ZNF121: variants seen among roughly 807,000 people sequenced by gnomAD.
ZNF121 encodes the protein zinc finger protein 121 (clone ZHC32).
In ZNF121, 1 loss-of-function variant was observed where a neutral mutation model predicts 2.4. That is an observed-to-expected ratio of 0.41 (90% CI 0.15 to 1.94). The LOEUF is 1.94. ZNF121 is among the 30% of genes most tolerant of loss of function. ZNF121 has a pLI of 0.30. For missense variants in ZNF121, 369 were observed against 466.3 expected (o/e 0.79, Z 1.92); for synonymous variants, 173 against 158.6 (o/e 1.09, Z -0.68).
intron 1 of ZNF121, among the ~76,000 whole-genome samples, chr19:9,577,280 C>A (rs1301244128): frequency 6.6e-6 from 1 of 151,494 alleles, no homozygotes; most frequent in Non-Finnish European, 1.5e-5. Flanking sequence ...CCTGTCTCTA[C>A]TAAAAAAAAA....
Position 9,561,855 on chromosome 19 carries a change from C to T in ZNF121, c.*4085G>A. 6.6e-6 allele frequency: 1 copy of T among 150,444 alleles called. No individual in the cohort carries two copies. The highest frequency in any genetic ancestry group is 2.0e-4 in the East Asian group (1 of 5,116). 9.3% of individuals were successfully genotyped at this position (150,444 alleles called of 1,614,324 possible). A position where few individuals can be genotyped will look rare whatever the true frequency, so the allele number is the denominator to read the frequency against. On this transcript the variant is annotated 3_prime_UTR_variant, in exon 4 of 4. Transcript: ENST00000320451. ...GGCATGATCATGCCACCGCACTCCA[C>T]ACCCTAGGCAACAGAGCAAGACCCC... is the stretch of plus-strand genomic sequence containing the variant.
chr19:9,566,738 A>G lies in ZNF121; in HGVS notation c.375T>C (p.Phe125=). 6.2e-7 allele frequency: 1 copy of G among 1,614,212 alleles called. No individual in the cohort carries two copies. Among genetic ancestry groups the G allele is most frequent in the Non-Finnish European group, 8.5e-7 (1 of 1,180,038 alleles). ...ACACAGCATGGCTTGTGGAGTAAGT[A>G]AAAGCTCTCCCACATTGCTTCTGTT... ...LYEQKQCGRA[F]TYSTSHAVSV... is the part of the protein sequence containing the mutation. Residue 125 remains phenylalanine (F), a synonymous_variant, in exon 4 of 4, where the codon TTT becomes TTC. Transcript: ENST00000320451.
chr19:9,582,223 G>A lies in ZNF121; in HGVS notation c.-160+2238C>T, dbSNP rs542955883. Among the ~76,000 whole-genome samples the A allele has an allele frequency of 3.3e-4, 50 of 152,298 alleles. No homozygotes were observed. The Middle Eastern group carries it at 0.017, about 52-fold the overall frequency. On this transcript the variant is annotated intron_variant, in intron 1 of 3. Transcript: ENST00000320451. Reference sequence around the variant, plus strand: ...CTAGGTGTCAGGCCTCTGAGCCGAAGCCAAGCCATCAGACTCCCTGTGACC... The same window carrying A: ...CTAGGTGTCAGGCCTCTGAGCCGAAACCAAGCCATCAGACTCCCTGTGACC...
chr19:9,566,958 T>C lies in ZNF121; in HGVS notation c.155A>G (p.His52Arg). ...TGTCTCTCCAGCAGGGGCACTGTTG[T>C]GTAACATGGGAAAGTTTTCTCCATA... ...DEYGENFPML[H>R]NSAPAGETLS... Residue 52 changes from histidine (H) to arginine (R), a missense_variant, in exon 4 of 4, where the codon CAC becomes CGC. Physicochemically the swap from His to Arg is conservative, Grantham distance 29. Around this residue, in one of 4 missense-constraint regions of ZNF121, gnomAD observed 168 missense variants for 162.3 expected, o/e 1.03. Transcript: ENST00000320451. 6.2e-7 allele frequency: 1 copy of C among 1,614,220 alleles called. No homozygotes were observed. Among genetic ancestry groups the C allele is most frequent in the Admixed American group, 1.7e-5 (1 of 60,026 alleles).
At position 9,577,445 on chromosome 19, in the gene ZNF121, G is replaced by A. The variant is rs144016340; in HGVS notation, c.-160+7016C>T. ...AGCCTGGGCAACAGAGCAAGACTCC[G>A]TCTCAAAAAAGAAAAATAAAGAAAA... On this transcript the variant is annotated intron_variant, in intron 1 of 3. Coordinates refer to ENST00000320451, the MANE Select transcript of ZNF121 (RefSeq NM_001008727.5). 1.9e-3 allele frequency among the ~76,000 whole-genome samples: 287 copies of A among 150,978 alleles called. 1 individual carries two copies. The highest frequency in any genetic ancestry group is 6.6e-3 in the African/African-American group (270 of 41,088).
chr19:9,577,322 C>T (rs973060912), intron 1 of ZNF121, among the ~76,000 whole-genome samples: 20 of 151,920 alleles, frequency 1.3e-4, no homozygotes, highest in African/African-American at 2.2e-4. Context: ...GAGGCATGTG[C>T]GCCTGTAGTC....
chr19:9,574,929 G>GAA (rs71188829), intron 1 of ZNF121, among the ~76,000 whole-genome samples: 2 of 148,042 alleles, frequency 1.4e-5, no homozygotes, highest in African/African-American at 2.5e-5. Context: ...TCATTAGATG[G>GAA]AAAAAAAAAA....
intron 1 of ZNF121, among the ~76,000 whole-genome samples, chr19:9,580,044 G>A (rs1442618075): frequency 1.3e-5 from 2 of 152,126 alleles, no homozygotes; most frequent in African/African-American, 2.4e-5. Flanking sequence ...TGTTATCCCA[G>A]CACTTTGGGA....
In ZNF121 at chr19:9,563,358, GA is replaced by G. The variant is rs1266708605; in HGVS notation, c.*2581del. ...AGAAGAAATGCTGGAAGCTGGCAAA[GA>G]TCAGTTCGTGAGGTTTAACAAGTCA... On this transcript the variant is annotated 3_prime_UTR_variant, in exon 4 of 4. Coordinates refer to ENST00000320451, the MANE Select transcript of ZNF121 (RefSeq NM_001008727.5). 6.6e-6 allele frequency: 1 copy of G among 152,218 alleles called. No homozygotes were observed. The highest frequency in any genetic ancestry group is 1.5e-5 in the Non-Finnish European group (1 of 68,040). 9.4% of individuals were successfully genotyped at this position (152,218 alleles called of 1,614,324 possible). A position where few individuals can be genotyped will look rare whatever the true frequency, so the allele number is the denominator to read the frequency against.
rs77995528 is a variant in ZNF121, at chr19:9,573,979, T to C, written c.-159-4897A>G. Among the ~76,000 whole-genome samples the C allele has an allele frequency of 5.5e-3, 839 of 151,870 alleles. 7 individuals carry two copies. Among genetic ancestry groups the C allele is most frequent in the South Asian group, 0.021 (102 of 4,810 alleles). On this transcript the variant is annotated intron_variant, in intron 1 of 3. Transcript: ENST00000320451. ...CTCTCACATCAGCCTCCCAAGTAAC[T>C]GTTACTACAAATGTGCACCACAATG... is the stretch of plus-strand genomic sequence containing the variant.
Position 9,566,466 on chromosome 19 carries a change from G to GT in ZNF121, c.646dup (p.Thr216AsnfsTer2). On this transcript the variant is annotated frameshift_variant, in exon 4 of 4. Coordinates refer to ENST00000320451, the MANE Select transcript of ZNF121 (RefSeq NM_001008727.5). LOFTEE classifies it low-confidence loss of function (END_TRUNC). ...TCCAGTGTGTATTCGTACATGTTTA[G>GT]TAAGGCCTGAGCGCCCAGCGAAGGC... 1.2e-6 allele frequency: 2 copies of GT among 1,613,876 alleles called. No homozygotes were observed. The highest frequency in any genetic ancestry group is 1.7e-6 in the Non-Finnish European group (2 of 1,179,946).
rs2074135347 is a variant in ZNF121 at position 9,566,747 on chromosome 19, C to T, written c.366G>A (p.Gly122=). ...GGCTTGTGGAGTAAGTAAAAGCTCTCCCACATTGCTTCTGTTCATAGAGTG... is the reference window on the plus strand; with the variant it reads ...GGCTTGTGGAGTAAGTAAAAGCTCTTCCACATTGCTTCTGTTCATAGAGTG... The part of the protein sequence containing the change: ...GETLYEQKQC[G]RAFTYSTSHA... The change falls in exon 4 of 4, where the codon GGG becomes GGA. Residue 122 remains glycine (G), a synonymous_variant. Coordinates refer to ENST00000320451, the MANE Select transcript of ZNF121 (RefSeq NM_001008727.5). 1 of 1,614,056 alleles carries T rather than the reference C, an allele frequency of 6.2e-7. No homozygotes were observed. The highest frequency in any genetic ancestry group is 1.3e-5 in the African/African-American group (1 of 74,932).
intron 1 of ZNF121, among the ~76,000 whole-genome samples, chr19:9,570,877 AGCCGAGT>A (rs1215285317): frequency 2.0e-5 from 3 of 152,166 alleles, no homozygotes; most frequent in Non-Finnish European, 4.4e-5. Context: ...CACCGCACCC[AGCCGAGT>A]TCCCTGCTTT....
chr19:9,573,278 A>G (rs561406495), intron 1 of ZNF121, among the ~76,000 whole-genome samples: 1 of 152,316 alleles, frequency 6.6e-6, no homozygotes, highest in East Asian at 1.9e-4. Context: ...AATAACACAG[A>G]AGAGCAACTC....
chr19:9,576,092 C>A (rs2074208188), intron 1 of ZNF121, among the ~76,000 whole-genome samples: 2 of 152,110 alleles, frequency 1.3e-5, no homozygotes, highest in Admixed American at 1.3e-4. Flanking sequence ...CCAGAACAGG[C>A]CATATCTTAG....
chr19:9,566,122 T>C lies in ZNF121; in HGVS notation c.991A>G (p.Ile331Val), dbSNP rs768833391. 3.1e-5 allele frequency: 50 copies of C among 1,614,024 alleles called. No individual in the cohort carries two copies. Among genetic ancestry groups the C allele is most frequent in the African/African-American group, 4.0e-5 (3 of 75,032 alleles). The stretch of plus-strand genomic sequence containing the variant: ...GGTTTCTCTCCAGTGTGAGTTCTTA[T>C]ATGTTCAATGAGTTGTGAAGATGTA... Reference protein sequence around the residue: ...FATSSQLIEHIRTHTGEKPYI... With the variant: ...FATSSQLIEHVRTHTGEKPYI... The change falls in exon 4 of 4, where the codon ATA becomes GTA. Residue 331 changes from isoleucine to valine, a missense_variant. Around this residue, in one of 4 missense-constraint regions of ZNF121, gnomAD observed 127 missense variants for 169.9 expected, o/e 0.75. Coordinates refer to ENST00000320451, the MANE Select transcript of ZNF121 (RefSeq NM_001008727.5).
chr19:9,583,286 G>C (rs1025466856), intron 1 of ZNF121, among the ~76,000 whole-genome samples: 15 of 151,334 alleles, frequency 9.9e-5, no homozygotes, highest in African/African-American at 3.7e-4. Context: ...GGGGGGTACA[G>C]ACCTAGGAAC....
intron 1 of ZNF121, among the ~76,000 whole-genome samples, chr19:9,576,240 T>C (rs1481574272): frequency 6.6e-6 from 1 of 151,434 alleles, no homozygotes; most frequent in Admixed American, 6.6e-5. Flanking sequence ...ATGCCTATAA[T>C]CCCGGCACTT....
chr19:9,583,780 C>T (rs1226629174), intron 1 of ZNF121, among the ~76,000 whole-genome samples: 2 of 152,170 alleles, frequency 1.3e-5, no homozygotes, highest in Non-Finnish European at 2.9e-5. Context: ...GCTGGGACTA[C>T]AGGCGTGAGC....
Sources: gnomAD v4.1 joint callset for allele counts (sites outside exome capture counted in the v4.1 genomes callset) on GRCh38, gnomAD v4.1.1 for gene constraint, gnomAD v4.1.1 regional missense constraint, MANE v1.5 for transcripts, NCBI Gene and HGNC (gene_info 2026-07-23, HGNC 2026-07-21) for gene names.